Variants in TMEM181 observed in about 807,000 individuals in gnomAD.
The protein encoded by TMEM181 is transmembrane protein 181, also known as G protein-coupled receptor 178.
Under a neutral mutation model 71.9 loss-of-function variants are expected in TMEM181, and 39 were observed. That is an observed-to-expected ratio of 0.54 (90% CI 0.42 to 0.71). TMEM181 has a LOEUF of 0.71. Among genes scored for constraint, TMEM181 ranks in the 30% least tolerant of loss-of-function variants. The pLI is 0.00. For synonymous variants in TMEM181, 245 were observed against 228.8 expected (o/e 1.07, Z -0.64); for missense variants, 595 against 583.0 (o/e 1.02, Z -0.21).
chr6:158,565,835 C>T (rs1782461204), intron 1 of TMEM181, among the ~76,000 whole-genome samples: 1 of 152,046 alleles, frequency 6.6e-6, no homozygotes, highest in South Asian at 2.1e-4. Flanking sequence ...TTGCTTTCCC[C>T]CACAGAGCCT....
Position 158,596,034 on chromosome 6 carries a change from G to A in TMEM181, c.492+6252G>A, listed in dbSNP as rs375037645. ...CCTCCTGGGTTCATGCCATCCTCCT[G>A]CCTCAGCCTCCCGAGTAGCTGGGAC... On this transcript the variant is annotated intron_variant, in intron 6 of 16. Transcript: ENST00000684151. Among the ~76,000 whole-genome samples the A allele has an allele frequency of 5.3e-5, 8 of 152,182 alleles. 1 individual carries two copies. The highest frequency in any genetic ancestry group is 1.9e-4 in the African/African-American group (8 of 41,520).
chr6:158,571,866 G>T (rs1475883567), intron 1 of TMEM181, among the ~76,000 whole-genome samples: 3 of 152,214 alleles, frequency 2.0e-5, no homozygotes, highest in Non-Finnish European at 4.4e-5. Flanking sequence ...CCTGTGAATT[G>T]AAGGTGTTGA....
intron 1 of TMEM181, among the ~76,000 whole-genome samples, chr6:158,564,280 A>G (rs1307853999): frequency 6.6e-6 from 1 of 152,164 alleles, no homozygotes; most frequent in Non-Finnish European, 1.5e-5. Flanking sequence ...CCCGACCTCC[A>G]CATTCTGGGT....
chr6:158,591,113 G>A (rs558447837), intron 6 of TMEM181, among the ~76,000 whole-genome samples: 192 of 152,284 alleles, frequency 1.3e-3, no homozygotes, highest in African/African-American at 4.4e-3. Flanking sequence ...GGTGACAGGC[G>A]TTTGGGTTGT....
At chr6:158,598,409 C>T (rs1175507894) in intron 6 of TMEM181, among the ~76,000 whole-genome samples, 2 of 152,138 alleles carry the variant, frequency 1.3e-5, no homozygotes, top group African/African-American at 4.8e-5. Context: ...AACAGCAACT[C>T]ACGTCTCAAG....
chr6:158,555,338 A>G (rs146528603), upstream of TMEM181, among the ~76,000 whole-genome samples: 74 of 152,342 alleles, frequency 4.9e-4, no homozygotes, highest in African/African-American at 1.7e-3. Flanking sequence ...CAATCCTTCA[A>G]CTAACTTCCA....
intron 2 of TMEM181, among the ~76,000 whole-genome samples, chr6:158,575,488 T>G (rs1276387871): frequency 1.3e-5 from 2 of 152,082 alleles, no homozygotes; most frequent in Non-Finnish European, 2.9e-5. Context: ...TAATTTTTGT[T>G]GGTATTTTTA....
In TMEM181 at chr6:158,631,864, C is replaced by T; in HGVS notation, c.1404C>T (p.Tyr468=). 1.3e-6 allele frequency: 2 copies of T among 1,596,864 alleles called. No individual in the cohort carries two copies. The highest frequency in any genetic ancestry group is 3.4e-5 in the Admixed American group (2 of 58,014). Residue 468 remains tyrosine (Y), a synonymous_variant, in exon 17 of 17, where the codon TAC becomes TAT. Transcript: ENST00000684151. ...LQNGQAIRAK[Y]KEESDSD is the part of the protein sequence containing the mutation. The stretch of plus-strand genomic sequence containing the variant: ...ACGGCCAGGCCATCCGGGCCAAGTA[C>T]AAGGAGGAGTCAGATAGTGACTGAG...
intron 1 of TMEM181, among the ~76,000 whole-genome samples, chr6:158,568,606 G>C (rs1227673159): frequency 6.6e-6 from 1 of 152,038 alleles, no homozygotes; most frequent in Non-Finnish European, 1.5e-5. Flanking sequence ...CTCCCTTGGG[G>C]GACTGATCAG....
intron 7 of TMEM181, among the ~76,000 whole-genome samples, chr6:158,606,993 T>C (rs1051164252): frequency 6.6e-6 from 1 of 152,232 alleles, no homozygotes; most frequent in Non-Finnish European, 1.5e-5. Flanking sequence ...CCTTTCCTGC[T>C]CCTGTGAGGA....
chr6:158,617,368 CTCTCTTCTTTATTAA>C (rs547686951), intron 10 of TMEM181, among the ~76,000 whole-genome samples: 514 of 151,934 alleles, frequency 3.4e-3, no homozygotes, highest in African/African-American at 0.012. Flanking sequence ...TTTGGTTCTT[CTCTCTTCTTTATTAA>C]TCTTGCTAGC....
intron 10 of TMEM181, among the ~76,000 whole-genome samples, chr6:158,612,917 A>G (rs1161378463): frequency 6.6e-6 from 1 of 152,236 alleles, no homozygotes; most frequent in Non-Finnish European, 1.5e-5. Context: ...ATTTCCATAA[A>G]AAAGCTTTAA....
chr6:158,537,039 G>A (rs1781141223), intron 1 of TMEM181, among the ~76,000 whole-genome samples: 2 of 151,906 alleles, frequency 1.3e-5, no homozygotes. Flanking sequence ...GAGGGACCAG[G>A]AAGGGGACGG....
At chr6:158,569,998 C>G (rs1251122452) in intron 1 of TMEM181, among the ~76,000 whole-genome samples, 3 of 152,150 alleles carry the variant, frequency 2.0e-5, no homozygotes, top group Non-Finnish European at 2.9e-5. Flanking sequence ...TTTTTGAAAT[C>G]AAGATTTAAA....
intron 1 of TMEM181, among the ~76,000 whole-genome samples, chr6:158,564,397 G>A (rs759574908): frequency 3.9e-5 from 6 of 152,166 alleles, no homozygotes; most frequent in African/African-American, 7.2e-5. Flanking sequence ...GAAATGGGCC[G>A]ATGTGCCTGT....
Position 158,634,679 on chromosome 6 carries a change from C to G in TMEM181, c.*2791C>G, listed in dbSNP as rs1277741348. 9.2e-5 allele frequency: 14 copies of G among 152,138 alleles called. No homozygotes were observed. Among genetic ancestry groups the G allele is most frequent in the Admixed American group, 9.2e-4 (14 of 15,266 alleles). The allele number at this position is 152,138 out of a possible 1,614,324, so 9.4% of individuals were successfully genotyped here. A position where few individuals can be genotyped will look rare whatever the true frequency, so the allele number is the denominator to read the frequency against. On this transcript the variant is annotated 3_prime_UTR_variant, in exon 17 of 17. Transcript: ENST00000684151. ...AAGGCTAGAGAAGGGGATATATATA[C>G]TATGTTCAAGGTTTGTAAGGTTGTT...
At chr6:158,611,394 G>A in intron 10 of TMEM181, 1 of 536,802 alleles carries the variant, frequency 1.9e-6, no homozygotes, top group Non-Finnish European at 3.8e-6. Flanking sequence ...GCCCTGGTTA[G>A]CCTCCAGGTA....
chr6:158,544,821 AG>A (rs1781472689), intron 1 of TMEM181, among the ~76,000 whole-genome samples: 1 of 152,224 alleles, frequency 6.6e-6, no homozygotes, highest in African/African-American at 2.4e-5. Flanking sequence ...ACTATGTTGT[AG>A]TCCCTCTTTT....
At chr6:158,561,965 G>C (rs1465372440) in intron 1 of TMEM181, among the ~76,000 whole-genome samples, 1 of 152,208 alleles carries the variant, frequency 6.6e-6, no homozygotes, top group Non-Finnish European at 1.5e-5. Flanking sequence ...AGGTGACTGA[G>C]TGTTCTCTGT....
Sources: allele counts gnomAD v4.1 joint callset (sites outside exome capture counted in the v4.1 genomes callset), GRCh38; gene constraint gnomAD v4.1.1; transcripts MANE v1.5; gene names NCBI Gene and HGNC (gene_info 2026-07-23, HGNC 2026-07-21).